The following INPP4B variants were observed in gnomAD, a reference collection of about 807,000 sequenced individuals.
The protein encoded by INPP4B is inositol polyphosphate-4-phosphatase type II B, also known as inositol polyphosphate 4-phosphatase type II.
Under a neutral mutation model 122.5 loss-of-function variants are expected in INPP4B, and 55 were observed. The ratio of observed to expected loss-of-function variants is 0.45; its 90% CI spans 0.36 to 0.56. INPP4B has a LOEUF of 0.56. Ranked by LOEUF, INPP4B falls within the 20% of genes least tolerant of loss-of-function variation. The pLI, the probability that INPP4B is intolerant of heterozygous loss-of-function variation, is 0.00. For missense variants in INPP4B, 1,000 were observed against 1,097.7 expected, an observed-to-expected ratio of 0.91 and a Z score of 1.26; for synonymous variants, 403 against 388.7, an observed-to-expected ratio of 1.04 and a Z score of -0.43.
chr4:142,030,092 C>T (rs1005348369), intron 25 of INPP4B: 1 of 1,482,526 alleles, frequency 6.7e-7, no homozygotes, highest in Admixed American at 2.1e-5. Flanking sequence ...AGTTCATTGT[C>T]ATTTGTAGAA....
intron 1 of INPP4B, among the ~76,000 whole-genome samples, chr4:142,751,675 A>C (rs1366700247): frequency 2.6e-5 from 4 of 152,082 alleles, no homozygotes; most frequent in African/African-American, 9.7e-5. Flanking sequence ...TTCTGCCTGG[A>C]GTATATGGAG....
At chr4:142,135,423 TG>T (rs1803546864) in intron 18 of INPP4B, among the ~76,000 whole-genome samples, 1 of 147,962 alleles carries the variant, frequency 6.8e-6, no homozygotes, top group Non-Finnish European at 1.5e-5. Context: ...TAAAAAAAAG[TG>T]AGATATTTTA....
intron 9 of INPP4B, among the ~76,000 whole-genome samples, chr4:142,273,366 T>C (rs972805803): frequency 4.6e-5 from 7 of 151,926 alleles, no homozygotes; most frequent in African/African-American, 1.7e-4. Flanking sequence ...TCTGAGACTA[T>C]AGTGAAAGGC....
intron 9 of INPP4B, among the ~76,000 whole-genome samples, chr4:142,304,773 A>G (rs1416432623): frequency 6.6e-6 from 1 of 152,184 alleles, no homozygotes; most frequent in Non-Finnish European, 1.5e-5. Context: ...ATGCATAATT[A>G]TGAAAGTTAC....
intron 1 of INPP4B, among the ~76,000 whole-genome samples, chr4:142,797,365 CA>C (rs1044984095): frequency 7.3e-5 from 11 of 151,204 alleles, no homozygotes; most frequent in Non-Finnish European, 1.5e-4. Flanking sequence ...AATAAGATTG[CA>C]AAAAAAGCTT....
In INPP4B at chr4:142,612,538, G is replaced by A. The variant is rs78800970; in HGVS notation, c.-191+113301C>T. Among the ~76,000 whole-genome samples, 280 of 152,268 alleles carry A rather than the reference G, an allele frequency of 1.8e-3. 2 individuals carry two copies. Among genetic ancestry groups the A allele is most frequent in the African/African-American group, 6.2e-3 (257 of 41,548 alleles). On this transcript the variant is annotated intron_variant, in intron 2 of 25. Coordinates refer to ENST00000262992, the MANE Select transcript of INPP4B (RefSeq NM_001101669.3). Reference sequence around the variant, plus strand: ...AGTTCAAGGTACCAACATATTTGGCGTTTGGTAAGGGCCCAATTCCTGGTT... The same window carrying A: ...AGTTCAAGGTACCAACATATTTGGCATTTGGTAAGGGCCCAATTCCTGGTT...
At chr4:142,137,862 C>A (rs1805461974) in intron 18 of INPP4B, among the ~76,000 whole-genome samples, 1 of 151,554 alleles carries the variant, frequency 6.6e-6, no homozygotes, top group East Asian at 2.0e-4. Context: ...GTTAGAATGG[C>A]AATCATTAAA....
chr4:142,327,469 G>A (rs1420957936), intron 7 of INPP4B, among the ~76,000 whole-genome samples: 1 of 152,046 alleles, frequency 6.6e-6, no homozygotes, highest in African/African-American at 2.4e-5. Flanking sequence ...TATGGGCATG[G>A]AGTGGAGGGG....
chr4:142,830,076 T>C (rs1169090295), intron 1 of INPP4B, among the ~76,000 whole-genome samples: 1 of 152,154 alleles, frequency 6.6e-6, no homozygotes, highest in African/African-American at 2.4e-5. Flanking sequence ...AGAGATGTAT[T>C]GTGTTCATGA....
In INPP4B at chr4:142,495,513, AAT is replaced by A. The variant is rs113453962; in HGVS notation, c.-190-32789_-190-32788del. 7.2e-3 allele frequency among the ~76,000 whole-genome samples: 1,080 copies of A among 150,214 alleles called. 16 individuals are homozygous for A. Among genetic ancestry groups the A allele is most frequent in the African/African-American group, 0.025 (1,016 of 41,030 alleles). The stretch of plus-strand genomic sequence containing the variant: ...TAAAATAGTGAGTTGATAAATGGCA[AAT>A]ATATATATATATATTCTTCTGGTTT... On this transcript the variant is annotated intron_variant, in intron 2 of 25. Transcript: ENST00000262992.
chr4:142,628,455 A>G (rs1580549690), intron 2 of INPP4B, among the ~76,000 whole-genome samples: 1 of 9,154 alleles, frequency 1.1e-4, no homozygotes, highest in African/African-American at 1.7e-4. Context: ...AGATATACCT[A>G]AATGCTAGAT....
At chr4:142,341,458 G>T (rs1475542014) in intron 7 of INPP4B, among the ~76,000 whole-genome samples, 2 of 152,086 alleles carry the variant, frequency 1.3e-5, no homozygotes, top group African/African-American at 4.8e-5. Context: ...CATAGCAGCT[G>T]TGTGACTTTG....
intron 25 of INPP4B, chr4:142,029,128 C>T: frequency 7.9e-7 from 1 of 1,258,694 alleles, no homozygotes; most frequent in East Asian, 3.1e-5. Context: ...TGACTTAAGT[C>T]TCTTTACTCT....
chr4:142,617,086 T>TA (rs915884116), intron 2 of INPP4B, among the ~76,000 whole-genome samples: 9 of 151,984 alleles, frequency 5.9e-5, no homozygotes, highest in African/African-American at 1.7e-4. Flanking sequence ...CTCTAAGATC[T>TA]AAAAAAATAG....
intron 1 of INPP4B, among the ~76,000 whole-genome samples, chr4:142,839,839 T>C (rs980163957): frequency 2.0e-5 from 3 of 152,238 alleles, no homozygotes. Context: ...AGGAAATGCA[T>C]TTCTTAATTA....
intron 2 of INPP4B, among the ~76,000 whole-genome samples, chr4:142,661,280 G>T (rs941174291): frequency 6.6e-6 from 1 of 152,138 alleles, no homozygotes; most frequent in Admixed American, 6.5e-5. Context: ...CAATACCAGG[G>T]AGGTTTACAT....
Position 142,127,039 on chromosome 4 carries a change from T to C in INPP4B, c.1721-2279A>G, listed in dbSNP as rs202016848. Among the ~76,000 whole-genome samples the C allele has an allele frequency of 1.3e-4, 20 of 152,308 alleles. No individual in the cohort carries two copies. In the East Asian group the frequency reaches 3.1e-3, roughly 24 times the overall value. ...TAGCTCTGTAGAGATTTGTTTCTAC[T>C]AGAGAATTCCCAAACATAAAATACA... On this transcript the variant is annotated intron_variant, in intron 18 of 25. Coordinates refer to ENST00000262992, the MANE Select transcript of INPP4B (RefSeq NM_001101669.3).
At chr4:142,046,962 C>A (rs1466611358) in intron 25 of INPP4B, among the ~76,000 whole-genome samples, 2 of 152,076 alleles carry the variant, frequency 1.3e-5, no homozygotes, top group Admixed American at 1.3e-4. Context: ...ATTAAAAACT[C>A]CAAGACTGAG....
At chr4:142,229,416 G>A (rs1853146373) in intron 12 of INPP4B, among the ~76,000 whole-genome samples, 1 of 152,076 alleles carries the variant, frequency 6.6e-6, no homozygotes, top group African/African-American at 2.4e-5. Flanking sequence ...CTTTGACAAT[G>A]GTGCCTTATT....
Sources: allele counts gnomAD v4.1 joint callset (sites outside exome capture counted in the v4.1 genomes callset), GRCh38; gene constraint gnomAD v4.1.1; transcripts MANE v1.5; gene names NCBI Gene and HGNC (gene_info 2026-07-23, HGNC 2026-07-21).